Variants in DPP10 observed in about 807,000 individuals in gnomAD.
The protein encoded by DPP10 is inactive dipeptidyl peptidase 10.
In DPP10, 33 loss-of-function variants were observed where a neutral mutation model predicts 120.9. That is an observed-to-expected ratio of 0.27 (90% confidence interval 0.21 to 0.37). DPP10 has a LOEUF of 0.37. Ranked by LOEUF, DPP10 falls within the 10% of genes least tolerant of loss-of-function variation. The probability of loss-of-function intolerance (pLI) is 1.00; values close to 1 mark genes in which losing one functional copy is unlikely to be tolerated. For missense variants in DPP10, 816 were observed against 942.8 expected, an observed-to-expected ratio of 0.87 and a Z score of 1.76; for synonymous variants, 337 against 326.1, an observed-to-expected ratio of 1.03 and a Z score of -0.36.
intron 1 of DPP10, among the ~76,000 whole-genome samples, chr2:115,261,070 AC>A (rs2059230646): frequency 6.6e-6 from 1 of 152,186 alleles, no homozygotes; most frequent in Middle Eastern, 3.2e-3. Context: ...ATAAATTCAA[AC>A]CACCTTAGTG....
At chr2:114,992,048 T>C (rs1700780382) in intron 1 of DPP10, among the ~76,000 whole-genome samples, 1 of 152,266 alleles carries the variant, frequency 6.6e-6, no homozygotes, top group Admixed American at 6.5e-5. Context: ...AGAAATATTA[T>C]GGAAGCATCC....
At chr2:115,469,818 A>C (rs747606016) in intron 3 of DPP10, among the ~76,000 whole-genome samples, 16 of 147,908 alleles carry the variant, frequency 1.1e-4, no homozygotes, top group Non-Finnish European at 2.2e-4. Flanking sequence ...GAATCACTTG[A>C]ATCCGGGAGG....
In DPP10 at chr2:115,117,448, AATGT is replaced by A. The variant is rs151028364; in HGVS notation, c.61-191788_61-191785del. Among the ~76,000 whole-genome samples the A allele has an allele frequency of 7.3e-3, 1,117 of 152,222 alleles. 9 individuals carry two copies. Among genetic ancestry groups the A allele is most frequent in the African/African-American group, 0.026 (1,071 of 41,516 alleles). ...ATAACTGCTAGTATTTATACTTCAA[AATGT>A]ATCTATTTAGTTGAGTGTGATGGTG... On this transcript the variant is annotated intron_variant, in intron 1 of 25. Transcript: ENST00000410059.
At chr2:115,713,783 T>G (rs2149582782) in intron 7 of DPP10, among the ~76,000 whole-genome samples, 1 of 152,316 alleles carries the variant, frequency 6.6e-6, no homozygotes, top group South Asian at 2.1e-4. Context: ...TTTGGATTAC[T>G]TTTACATTCT....
At chr2:115,414,604 A>G (rs1444080561) in intron 3 of DPP10, among the ~76,000 whole-genome samples, 1 of 152,180 alleles carries the variant, frequency 6.6e-6, no homozygotes, top group East Asian at 1.9e-4. Flanking sequence ...AATAGCACTC[A>G]TTTTTGAAAC....
At chr2:115,174,955 C>T (rs574911173) in intron 1 of DPP10, among the ~76,000 whole-genome samples, 1 of 152,228 alleles carries the variant, frequency 6.6e-6, no homozygotes, top group African/African-American at 2.4e-5. Flanking sequence ...TTGGTAGTCT[C>T]AAATAGCTTT....
intron 3 of DPP10, among the ~76,000 whole-genome samples, chr2:115,370,302 C>T (rs2065323993): frequency 6.6e-6 from 1 of 151,916 alleles, no homozygotes. Context: ...TCATTTTTGC[C>T]CCCTGATGAT....
At chr2:115,687,760 C>T (rs2091081066) in intron 5 of DPP10, among the ~76,000 whole-genome samples, 1 of 152,036 alleles carries the variant, frequency 6.6e-6, no homozygotes, top group South Asian at 2.1e-4. Context: ...CGACCAGCAA[C>T]CTCTATAAAA....
intron 1 of DPP10, among the ~76,000 whole-genome samples, chr2:115,259,287 C>T (rs1286315418): frequency 1.3e-5 from 2 of 151,962 alleles, no homozygotes; most frequent in African/African-American, 2.4e-5. Flanking sequence ...TTCGAGACCA[C>T]CCTGACCAAC....
chr2:115,528,720 A>G (rs940728193), intron 5 of DPP10, among the ~76,000 whole-genome samples: 6 of 152,128 alleles, frequency 3.9e-5, no homozygotes, highest in East Asian at 1.9e-4. Context: ...AGAAACATGG[A>G]TAAATCTTCG....
intron 19 of DPP10, among the ~76,000 whole-genome samples, chr2:115,800,625 G>A (rs866499137): frequency 0.016 from 2,472 of 151,568 alleles, 72 homozygotes; most frequent in African/African-American, 0.055. Flanking sequence ...AGGTGTAAGG[G>A]AGGGATCCAG....
chr2:115,586,418 A>G (rs1459490886), intron 5 of DPP10, among the ~76,000 whole-genome samples: 1 of 152,218 alleles, frequency 6.6e-6, no homozygotes, highest in Non-Finnish European at 1.5e-5. Flanking sequence ...TACCATTGTC[A>G]TACATTCTCT....
At chr2:115,426,652 G>T in intron 3 of DPP10, among the ~76,000 whole-genome samples, 1 of 151,736 alleles carries the variant, frequency 6.6e-6, no homozygotes, top group Non-Finnish European at 1.5e-5. Context: ...CGCTGGAGAT[G>T]ACATTTCAAC....
At chr2:114,703,720 A>T (rs1472847811) in intron 1 of DPP10, among the ~76,000 whole-genome samples, 1 of 152,176 alleles carries the variant, frequency 6.6e-6, no homozygotes, top group Non-Finnish European at 1.5e-5. Flanking sequence ...TCTAGATAGT[A>T]TGGTTAATAA....
chr2:115,801,118 T>C (rs1001645346), intron 19 of DPP10, among the ~76,000 whole-genome samples: 4 of 151,986 alleles, frequency 2.6e-5, no homozygotes, highest in Non-Finnish European at 5.9e-5. Flanking sequence ...CCTTGAGCAG[T>C]GGTTTGTAGT....
chr2:115,013,658 C>CAAAAAAA (rs59313783), intron 1 of DPP10, among the ~76,000 whole-genome samples: 24 of 58,380 alleles, frequency 4.1e-4, no homozygotes, highest in Admixed American at 6.0e-4. Context: ...AAATGGAAAG[C>CAAAAAAA]AAAAAAAAAA....
At chr2:115,187,740 G>A (rs1048369967) in intron 1 of DPP10, among the ~76,000 whole-genome samples, 4 of 152,096 alleles carry the variant, frequency 2.6e-5, no homozygotes, top group African/African-American at 7.2e-5. Context: ...GGTGGCTCTC[G>A]CCTGTCATCC....
intron 1 of DPP10, among the ~76,000 whole-genome samples, chr2:114,556,544 T>C (rs1197611034): frequency 6.6e-6 from 1 of 152,018 alleles, no homozygotes; most frequent in African/African-American, 2.4e-5. Flanking sequence ...TTTGACTTTA[T>C]ACAGTATGCA....
intron 5 of DPP10, among the ~76,000 whole-genome samples, chr2:115,566,562 A>G (rs2081021438): frequency 6.6e-6 from 1 of 152,194 alleles, no homozygotes; most frequent in African/African-American, 2.4e-5. Context: ...ATCCAGTTCA[A>G]GCTGGCTCCT....
Sources: allele counts gnomAD v4.1 joint callset (sites outside exome capture counted in the v4.1 genomes callset), GRCh38; gene constraint gnomAD v4.1.1; transcripts MANE v1.5; gene names NCBI Gene and HGNC (gene_info 2026-07-23, HGNC 2026-07-21).